Variants in HS2ST1 observed in about 807,000 individuals in gnomAD.
The protein encoded by HS2ST1 is heparan sulfate 2-O-sulfotransferase 1.
Under a neutral mutation model 42.9 loss-of-function variants are expected in HS2ST1, and 18 were observed. The observed-to-expected ratio is 0.42, with a 90% CI of 0.29 to 0.62. HS2ST1 has a LOEUF of 0.62. Ranked by LOEUF, HS2ST1 falls within the 20% of genes least tolerant of loss-of-function variation. The probability of loss-of-function intolerance (pLI) is 0.21; values close to 1 mark genes in which losing one functional copy is unlikely to be tolerated. For missense variants in HS2ST1, 334 were observed against 433.8 expected (o/e 0.77, Z 2.04); for synonymous variants, 146 against 152.9 (o/e 0.95, Z 0.33).
chr1:86,917,568 G>GA (rs1364438440), intron 1 of HS2ST1, among the ~76,000 whole-genome samples: 3 of 151,818 alleles, frequency 2.0e-5, no homozygotes, highest in African/African-American at 7.3e-5. Flanking sequence ...GCAGATGCAG[G>GA]AACAGGCTTA....
chr1:87,058,452 G>GT lies in HS2ST1; in HGVS notation c.125-14473dup, dbSNP rs201520079. ...TTAGCTAAGTGCACTGTTTTGTTTTGTTTTTTTTTAAGTTTTTTATGTGGC... is the reference window on the plus strand; with the variant it reads ...TTAGCTAAGTGCACTGTTTTGTTTTGTTTTTTTTTTAAGTTTTTTATGTGGC... On this transcript the variant is annotated intron_variant, in intron 1 of 6. Transcript: ENST00000370550. Among the ~76,000 whole-genome samples the GT allele has an allele frequency of 2.8e-3, 416 of 149,568 alleles. 7 individuals are homozygous for GT. The highest frequency in any genetic ancestry group is 0.016 in the East Asian group (83 of 5,104).
chr1:86,988,064 G>A (rs925215978), intron 1 of HS2ST1, among the ~76,000 whole-genome samples: 8 of 152,194 alleles, frequency 5.3e-5, no homozygotes, highest in Non-Finnish European at 7.3e-5. Flanking sequence ...TTGCAGTGGG[G>A]ATGAAGATCT....
intron 1 of HS2ST1, 90 bp downstream of exon 1, chr1:86,915,250 G>C (rs1660119918): frequency 1.4e-6 from 2 of 1,441,950 alleles, no homozygotes. Flanking sequence ...TCTAACCTGG[G>C]GTCTGGCTCG....
At chr1:86,994,763 C>T (rs1383094904) in intron 1 of HS2ST1, among the ~76,000 whole-genome samples, 1 of 151,914 alleles carries the variant, frequency 6.6e-6, no homozygotes, top group Admixed American at 6.6e-5. Context: ...ATTTAATGAA[C>T]TAAAAAACAT....
rs578186910 is a variant in HS2ST1 at position 86,948,194 on chromosome 1, A to G, written c.124+33034A>G. Among the ~76,000 whole-genome samples, 35 of 152,224 alleles carry G rather than the reference A, an allele frequency of 2.3e-4. 1 individual carries two copies. The South Asian group carries it at 5.2e-3, about 23-fold the overall frequency. The stretch of plus-strand genomic sequence containing the variant: ...CAGGGGGAGAAACATCTCACTATAT[A>G]TCTTTTAGGTTTAGAATGCTACAGT... On this transcript the variant is annotated intron_variant, in intron 1 of 6. Coordinates refer to ENST00000370550, the MANE Select transcript of HS2ST1 (RefSeq NM_012262.4).
At chr1:86,922,524 G>A (rs1660321842) in intron 1 of HS2ST1, among the ~76,000 whole-genome samples, 1 of 151,130 alleles carries the variant, frequency 6.6e-6, no homozygotes, top group African/African-American at 2.4e-5. Flanking sequence ...AAAATATACT[G>A]GTGATGAATT....
rs552943496 is a variant in HS2ST1, at chr1:87,013,106, C to T, written c.125-59828C>T. Among the ~76,000 whole-genome samples the T allele has an allele frequency of 2.0e-5, 3 of 152,318 alleles. No individual in the cohort carries two copies. In the South Asian group the frequency reaches 6.2e-4, roughly 32 times the overall value. On this transcript the variant is annotated intron_variant, in intron 1 of 6. Transcript: ENST00000370550. ...GTCTACCATTCTAGGGTCTGGAGTA[C>T]AGTGCCCCTCTTCTCACAGCTCCAG... is the stretch of plus-strand genomic sequence containing the variant.
chr1:86,949,998 G>C (rs1166033506), intron 1 of HS2ST1, among the ~76,000 whole-genome samples: 1 of 152,088 alleles, frequency 6.6e-6, no homozygotes, highest in Non-Finnish European at 1.5e-5. Context: ...AATGTAGAAG[G>C]AATTATAGAA....
chr1:87,025,452 T>G (rs1176554560), intron 1 of HS2ST1, among the ~76,000 whole-genome samples: 1 of 152,132 alleles, frequency 6.6e-6, no homozygotes, highest in African/African-American at 2.4e-5. Flanking sequence ...GGAAATACAG[T>G]TTTCAGATCC....
intron 1 of HS2ST1, among the ~76,000 whole-genome samples, chr1:86,998,650 C>T (rs369488979): frequency 2.6e-5 from 4 of 152,124 alleles, no homozygotes; most frequent in African/African-American, 9.7e-5. Flanking sequence ...CATACACACA[C>T]GTACACATTT....
At chr1:87,070,742 G>T (rs1449657388) in intron 1 of HS2ST1, among the ~76,000 whole-genome samples, 1 of 152,042 alleles carries the variant, frequency 6.6e-6, no homozygotes, top group African/African-American at 2.4e-5. Context: ...AAATAGTATG[G>T]TATGTGCTTC....
chr1:87,002,173 A>G (rs890008233), intron 1 of HS2ST1, among the ~76,000 whole-genome samples: 4 of 152,090 alleles, frequency 2.6e-5, no homozygotes, highest in Non-Finnish European at 5.9e-5. Flanking sequence ...CAGCCTCCCA[A>G]AGTGCTGGGA....
chr1:87,052,560 T>G (rs761572667), intron 1 of HS2ST1, among the ~76,000 whole-genome samples: 31 of 152,194 alleles, frequency 2.0e-4, no homozygotes, highest in Non-Finnish European at 4.3e-4. Flanking sequence ...ACATTTCACT[T>G]GTGCTTTCCA....
chr1:87,001,461 C>A (rs1390925260), intron 1 of HS2ST1, among the ~76,000 whole-genome samples: 1 of 152,152 alleles, frequency 6.6e-6, no homozygotes, highest in African/African-American at 2.4e-5. Flanking sequence ...AATAAAACTT[C>A]AAATATTTAA....
At chr1:87,072,002 A>G (rs565166632) in intron 1 of HS2ST1, among the ~76,000 whole-genome samples, 42 of 151,946 alleles carry the variant, frequency 2.8e-4, no homozygotes, top group Non-Finnish European at 4.9e-4. Flanking sequence ...ATATATTTAT[A>G]AAAGAAAAAA....
intron 5 of HS2ST1, chr1:87,098,157 C>T (rs2100654410): frequency 9.8e-7 from 1 of 1,019,328 alleles, no homozygotes; most frequent in East Asian, 8.7e-5. Context: ...TCTGAGATGC[C>T]GGTTTTTAGT....
intron 1 of HS2ST1, among the ~76,000 whole-genome samples, chr1:86,930,553 T>C (rs1660522480): frequency 6.6e-6 from 1 of 151,950 alleles, no homozygotes; most frequent in African/African-American, 2.4e-5. Context: ...TTGGGAGTTA[T>C]CTTGTAGAAT....
In HS2ST1 at chr1:87,091,161, A is replaced by G. The variant is rs145974869; in HGVS notation, c.450-1370A>G. On this transcript the variant is annotated intron_variant, in intron 3 of 6. Coordinates refer to ENST00000370550, the MANE Select transcript of HS2ST1 (RefSeq NM_012262.4). ...TCATTGCTGTATTCCTAGTACCTAG[A>G]ATAGTATTATATCTGGCAATATTGG... is the stretch of plus-strand genomic sequence containing the variant. Among the ~76,000 whole-genome samples, 20 of 152,150 alleles carry G rather than the reference A, an allele frequency of 1.3e-4. 1 individual carries two copies. In the East Asian group the frequency reaches 3.9e-3, roughly 29 times the overall value.
At chr1:87,092,493 A>G in intron 3 of HS2ST1, 38 bp from the exon 4 acceptor site, 1 of 1,483,954 alleles carries the variant, frequency 6.7e-7, no homozygotes, top group Non-Finnish European at 9.0e-7. Flanking sequence ...ACAGATTGAA[A>G]ATGTTGATTT....
Sources: allele counts gnomAD v4.1 joint callset (sites outside exome capture counted in the v4.1 genomes callset), GRCh38; gene constraint gnomAD v4.1.1; transcripts MANE v1.5; gene names NCBI Gene and HGNC (gene_info 2026-07-23, HGNC 2026-07-21).